Variants in CACNA2D1 observed in about 807,000 individuals in gnomAD.
The protein encoded by CACNA2D1 is calcium voltage-gated channel auxiliary subunit alpha2delta 1, also known as voltage-dependent calcium channel subunit alpha-2/delta-1.
Under a neutral mutation model 171.5 loss-of-function variants are expected in CACNA2D1, and 53 were observed. That is an observed-to-expected ratio of 0.31 (90% CI 0.25 to 0.39). The LOEUF (loss-of-function observed/expected upper bound fraction) is 0.39, where lower values mean the gene tolerates loss of function less well. Among genes scored for constraint, CACNA2D1 ranks in the 10% least tolerant of loss-of-function variants. The probability of loss-of-function intolerance (pLI) is 1.00; values close to 1 mark genes in which losing one functional copy is unlikely to be tolerated. For missense variants in CACNA2D1, 903 were observed against 1,299.8 expected (o/e 0.69, Z 4.69); for synonymous variants, 442 against 443.1 (o/e 1.00, Z 0.03).
intron 3 of CACNA2D1, among the ~76,000 whole-genome samples, chr7:82,232,853 G>A (rs1291798491): frequency 1.0e-5 from 1 of 98,484 alleles, no homozygotes; most frequent in Non-Finnish European, 1.8e-5. Flanking sequence ...AACAGAGCGA[G>A]ATGTCTCCAA....
intron 3 of CACNA2D1, among the ~76,000 whole-genome samples, chr7:82,191,258 T>C (rs1798264924): frequency 6.6e-6 from 1 of 151,810 alleles, no homozygotes; most frequent in Non-Finnish European, 1.5e-5. Flanking sequence ...AAACTTAAGT[T>C]ACATCTTTGC....
chr7:82,273,035 A>G (rs1298411425), intron 3 of CACNA2D1, among the ~76,000 whole-genome samples: 4 of 152,218 alleles, frequency 2.6e-5, no homozygotes, highest in African/African-American at 9.6e-5. Flanking sequence ...CTACTAACTA[A>G]TAAACAACTT....
chr7:82,369,265 A>C (rs1230388382), intron 1 of CACNA2D1, among the ~76,000 whole-genome samples: 3 of 152,052 alleles, frequency 2.0e-5, no homozygotes, highest in Non-Finnish European at 1.5e-5. Flanking sequence ...GGAATTCATT[A>C]AGTGTTTAAT....
chr7:82,030,920 A>T (rs537115714), intron 12 of CACNA2D1, among the ~76,000 whole-genome samples: 2 of 152,066 alleles, frequency 1.3e-5, no homozygotes, highest in South Asian at 4.1e-4. Flanking sequence ...GATTATTTAA[A>T]ATATGTGAAA....
At chr7:82,240,513 T>C (rs537311114) in intron 3 of CACNA2D1, among the ~76,000 whole-genome samples, 2 of 152,300 alleles carry the variant, frequency 1.3e-5, no homozygotes, top group African/African-American at 4.8e-5. Flanking sequence ...AATCTCAAAG[T>C]TTAGAGGCAA....
intron 3 of CACNA2D1, 146 bp from the exon 4 acceptor site, chr7:82,170,755 T>C (rs1795936809): frequency 1.3e-6 from 1 of 750,728 alleles, no homozygotes; most frequent in Non-Finnish European, 2.3e-6. Context: ...CTAAATCATT[T>C]AGTAATCTAA....
intron 3 of CACNA2D1, among the ~76,000 whole-genome samples, chr7:82,303,057 G>C (rs550578854): frequency 2.0e-5 from 3 of 151,916 alleles, no homozygotes; most frequent in South Asian, 4.1e-4. Context: ...GCAGTGGTGC[G>C]ATCTCGGCTC....
chr7:82,330,294 ATAT>A (rs918032955), intron 3 of CACNA2D1, among the ~76,000 whole-genome samples: 9 of 152,164 alleles, frequency 5.9e-5, no homozygotes, highest in Non-Finnish European at 1.0e-4. Context: ...TTATTCAAAA[ATAT>A]TATAAAAGAT....
chr7:82,280,929 T>C (rs1810012004), intron 3 of CACNA2D1, among the ~76,000 whole-genome samples: 1 of 152,182 alleles, frequency 6.6e-6, no homozygotes, highest in Non-Finnish European at 1.5e-5. Context: ...TTGGAATCCA[T>C]TTTAGTGTAT....
chr7:82,263,236 G>A (rs142695030), intron 3 of CACNA2D1, among the ~76,000 whole-genome samples: 1,968 of 150,274 alleles, frequency 0.013, 30 homozygotes, highest in Middle Eastern at 0.065. Context: ...AGCCTCCCAA[G>A]TAGCTGGGAT....
intron 1 of CACNA2D1, among the ~76,000 whole-genome samples, chr7:82,392,132 T>C (rs562540895): frequency 6.6e-6 from 1 of 152,202 alleles, no homozygotes; most frequent in Non-Finnish European, 1.5e-5. Context: ...CTCTGATTGA[T>C]CCTTACCCTT....
intron 3 of CACNA2D1, among the ~76,000 whole-genome samples, chr7:82,320,619 T>C (rs1815694869): frequency 6.6e-6 from 1 of 150,414 alleles, no homozygotes. Context: ...CTTGCTATAT[T>C]GCACAAGCTG....
chr7:81,952,107 G>A (rs1216798241), intron 38 of CACNA2D1, among the ~76,000 whole-genome samples: 1 of 148,408 alleles, frequency 6.7e-6, no homozygotes, highest in African/African-American at 2.5e-5. Context: ...TTTTTCATAT[G>A]TTTTGGCCAT....
intron 18 of CACNA2D1, among the ~76,000 whole-genome samples, chr7:81,997,475 AGT>A: frequency 6.6e-6 from 1 of 151,586 alleles, no homozygotes; most frequent in East Asian, 1.9e-4. Flanking sequence ...AAGTGAAGAC[AGT>A]GTCATTTTGA....
At chr7:82,087,931 G>A (rs940801164) in intron 6 of CACNA2D1, among the ~76,000 whole-genome samples, 1 of 151,996 alleles carries the variant, frequency 6.6e-6, no homozygotes, top group Non-Finnish European at 1.5e-5. Flanking sequence ...TCCTGGATAC[G>A]AATTGTGCTC....
At chr7:82,194,180 C>T (rs1798621018) in intron 3 of CACNA2D1, among the ~76,000 whole-genome samples, 1 of 152,020 alleles carries the variant, frequency 6.6e-6, no homozygotes, top group South Asian at 2.1e-4. Flanking sequence ...GAGTGTGAAT[C>T]ATTCTCCCAT....
intron 6 of CACNA2D1, among the ~76,000 whole-genome samples, chr7:82,093,607 G>GA (rs903618807): frequency 3.3e-5 from 5 of 152,060 alleles, no homozygotes; most frequent in Middle Eastern, 3.4e-3. Flanking sequence ...ATGGCAAACT[G>GA]AAAAAAGATT....
chr7:82,347,538 A>G (rs1819384023), intron 2 of CACNA2D1, among the ~76,000 whole-genome samples: 1 of 152,140 alleles, frequency 6.6e-6, no homozygotes, highest in African/African-American at 2.4e-5. Context: ...GGTCCTCACC[A>G]TATATCCAAC....
intron 3 of CACNA2D1, among the ~76,000 whole-genome samples, chr7:82,275,292 C>CT (rs1422411205): frequency 6.6e-6 from 1 of 152,150 alleles, no homozygotes; most frequent in Non-Finnish European, 1.5e-5. Flanking sequence ...GAACTGTTCT[C>CT]TCAAGTAATC....
Sources: allele counts gnomAD v4.1 joint callset (sites outside exome capture counted in the v4.1 genomes callset), GRCh38; gene constraint gnomAD v4.1.1; transcripts MANE v1.5; gene names NCBI Gene and HGNC (gene_info 2026-07-23, HGNC 2026-07-21).